NCALD: variants seen among roughly 807,000 people sequenced by gnomAD.
The protein encoded by NCALD is neurocalcin-delta.
In NCALD, 10 loss-of-function variants were observed where a neutral mutation model predicts 18.6. The observed-to-expected ratio is 0.54, with a 90% CI of 0.33 to 0.91. The LOEUF is 0.91. Among genes scored for constraint, NCALD ranks in the 40% least tolerant of loss-of-function variants. The pLI, the probability that NCALD is intolerant of heterozygous loss-of-function variation, is 0.03. For synonymous variants in NCALD, 88 were observed against 87.4 expected (o/e 1.01, Z -0.04); for missense variants, 184 against 247.6 (o/e 0.74, Z 1.72).
At chr8:102,007,663 T>C (rs768994885) in intron 2 of NCALD, among the ~76,000 whole-genome samples, 1 of 152,256 alleles carries the variant, frequency 6.6e-6, no homozygotes, top group Non-Finnish European at 1.5e-5. Flanking sequence ...GAATTTATTT[T>C]CATCCATAAA....
intron 2 of NCALD, among the ~76,000 whole-genome samples, chr8:102,019,365 T>G (rs1355560185): frequency 6.6e-6 from 1 of 152,146 alleles, no homozygotes; most frequent in Non-Finnish European, 1.5e-5. Flanking sequence ...AACTGTTTGA[T>G]AGTATCTACT....
intron 1 of NCALD, among the ~76,000 whole-genome samples, chr8:102,101,590 G>A (rs1293723942): frequency 6.6e-6 from 1 of 152,188 alleles, no homozygotes; most frequent in African/African-American, 2.4e-5. Flanking sequence ...CGGAAGCTTT[G>A]AACAAGTGGA....
intron 2 of NCALD, among the ~76,000 whole-genome samples, chr8:101,956,623 G>A (rs974751460): frequency 8.5e-5 from 13 of 152,074 alleles, no homozygotes; most frequent in Non-Finnish European, 1.9e-4. Flanking sequence ...CAGACACAGA[G>A]AGAGAGAGAG....
In NCALD at chr8:101,949,510, C is replaced by T. The variant is rs143931107; in HGVS notation, c.-156-33652G>A. Among the ~76,000 whole-genome samples, 324 of 152,132 alleles carry T rather than the reference C, an allele frequency of 2.1e-3. 1 individual carries two copies. The highest frequency in any genetic ancestry group is 7.1e-3 in the African/African-American group (293 of 41,474). ...ACTGTTAGAGAGGCTGTGGGTCAAACGACATCAGGAAATAAATGTTAATAA... is the reference window on the plus strand; with the variant it reads ...ACTGTTAGAGAGGCTGTGGGTCAAATGACATCAGGAAATAAATGTTAATAA... On this transcript the variant is annotated intron_variant, in intron 2 of 6. Coordinates refer to the NCALD transcript ENST00000311028.
At chr8:101,969,937 G>GCACA (rs1187511778) in intron 2 of NCALD, among the ~76,000 whole-genome samples, 1 of 146,214 alleles carries the variant, frequency 6.8e-6, no homozygotes, top group East Asian at 1.9e-4. Context: ...GTGTGTGTGT[G>GCACA]CACACACATG....
At chr8:101,887,602 C>T (rs1816721434) in intron 3 of NCALD, among the ~76,000 whole-genome samples, 1 of 150,170 alleles carries the variant, frequency 6.7e-6, no homozygotes, top group Non-Finnish European at 1.5e-5. Context: ...AATAAATGAA[C>T]TTAAATATAA....
chr8:102,002,970 A>G (rs1368055307), intron 2 of NCALD, among the ~76,000 whole-genome samples: 1 of 152,200 alleles, frequency 6.6e-6, no homozygotes, highest in Non-Finnish European at 1.5e-5. Flanking sequence ...TAAAAGAACT[A>G]GAGAAGCAAG....
At chr8:101,885,358 A>G (rs1284387780) in intron 4 of NCALD, among the ~76,000 whole-genome samples, 1 of 152,206 alleles carries the variant, frequency 6.6e-6, no homozygotes, top group African/African-American at 2.4e-5. Context: ...AAATTCTTGG[A>G]CAAAATCCCA....
chr8:101,880,265 G>C (rs1419534342), intron 4 of NCALD, among the ~76,000 whole-genome samples: 2 of 152,168 alleles, frequency 1.3e-5, no homozygotes, highest in African/African-American at 4.8e-5. Context: ...ACTGCCCGGG[G>C]CCAGCAGCAC....
At chr8:101,692,577 AG>A (rs1324543971) in intron 3 of NCALD, 1 of 985,394 alleles carries the variant, frequency 1.0e-6, no homozygotes, top group African/African-American at 1.7e-5. Flanking sequence ...TTGACCTACA[AG>A]GAGGATAGAA....
intron 4 of NCALD, among the ~76,000 whole-genome samples, chr8:101,874,140 T>A (rs899725036): frequency 2.0e-5 from 3 of 152,104 alleles, no homozygotes; most frequent in Non-Finnish European, 4.4e-5. Flanking sequence ...CACAGACTAG[T>A]AGGAGATAAA....
At chr8:101,794,569 G>A (rs1045441020), upstream of NCALD, among the ~76,000 whole-genome samples, 3 of 152,202 alleles carry the variant, frequency 2.0e-5, no homozygotes, top group African/African-American at 7.2e-5. Flanking sequence ...ATATGTGGAT[G>A]TATTTAACGG....
At chr8:101,893,109 G>A (rs1816980852) in intron 3 of NCALD, among the ~76,000 whole-genome samples, 2 of 151,664 alleles carry the variant, frequency 1.3e-5, no homozygotes. Context: ...AGGGCAGCCA[G>A]AGAGAAAGGT....
At chr8:102,053,770 C>A (rs1823532635) in intron 1 of NCALD, among the ~76,000 whole-genome samples, 1 of 152,154 alleles carries the variant, frequency 6.6e-6, no homozygotes, top group South Asian at 2.1e-4. Context: ...CACACAAATG[C>A]ATATTTTTAA....
At chr8:101,892,774 T>C (rs1221409408) in intron 3 of NCALD, among the ~76,000 whole-genome samples, 1 of 149,860 alleles carries the variant, frequency 6.7e-6, no homozygotes, top group African/African-American at 2.5e-5. Context: ...CAATGGAAGA[T>C]GAAATGAATG....
At chr8:101,950,126 C>T (rs1044205509) in intron 2 of NCALD, 3 of 152,302 alleles carry the variant, frequency 2.0e-5, no homozygotes, top group Admixed American at 6.5e-5. Context: ...CCAAACCCCA[C>T]AAAAATGACA....
chr8:102,006,479 G>A (rs1208605730), intron 2 of NCALD, among the ~76,000 whole-genome samples: 3 of 152,156 alleles, frequency 2.0e-5, no homozygotes, highest in African/African-American at 7.2e-5. Context: ...CCTAGACCTA[G>A]CCTCTAGATC....
intron 2 of NCALD, among the ~76,000 whole-genome samples, chr8:101,979,456 G>A (rs574522760): frequency 6.6e-6 from 1 of 152,298 alleles, no homozygotes; most frequent in Non-Finnish European, 1.5e-5. Context: ...GAAATATCAG[G>A]AAATAAGTGC....
chr8:101,858,407 G>A (rs1464725028), intron 4 of NCALD, among the ~76,000 whole-genome samples: 2 of 152,134 alleles, frequency 1.3e-5, no homozygotes, highest in African/African-American at 4.8e-5. Flanking sequence ...CAAGAAGGGT[G>A]ATAAAAAGGT....
Sources: allele counts gnomAD v4.1 joint callset (sites outside exome capture counted in the v4.1 genomes callset), GRCh38; gene constraint gnomAD v4.1.1; transcripts MANE v1.5; gene names NCBI Gene and HGNC (gene_info 2026-07-23, HGNC 2026-07-21).